Variants in ARSD observed in about 807,000 individuals in gnomAD.
ARSD encodes arylsulfatase D.
ARSD carries 21 observed loss-of-function variants against 32.6 expected under a neutral mutation model. The observed-to-expected ratio is 0.64, with a 90% CI of 0.46 to 0.93. The LOEUF (loss-of-function observed/expected upper bound fraction) is 0.93. ARSD is among the 40% of genes least tolerant of loss of function. The probability of loss-of-function intolerance (pLI) is 0.00; values close to 1 mark genes in which losing one functional copy is unlikely to be tolerated. For synonymous variants in ARSD, 224 were observed against 237.4 expected (o/e 0.94, Z 0.52); for missense variants, 454 against 520.9 (o/e 0.87, Z 1.25).
In ARSD at chrX:2,925,682, A is replaced by T; in HGVS notation, c.128T>A (p.Ile43Asn). ...TAGATCATCCGCCATGATCAGTAGGATATTTGGTTTAAAGGCATTTGCAGT... is the reference window on the plus strand; with the variant it reads ...TAGATCATCCGCCATGATCAGTAGGTTATTTGGTTTAAAGGCATTTGCAGT... ...PKTANAFKPN[I>N]LLIMADDLGT... The change falls in exon 2 of 10, where the codon ATC becomes AAC. Residue 43 changes from isoleucine (I) to asparagine (N), a missense_variant. Coordinates refer to ENST00000381154, the MANE Select transcript of ARSD (RefSeq NM_001669.4). 3.3e-6 allele frequency: 4 copies of T among 1,210,521 alleles called. No individual in the cohort carries two copies. The highest frequency in any genetic ancestry group is 4.5e-6 in the Non-Finnish European group (4 of 894,781).
chrX:2,923,370 A>G, intron 2 of ARSD: 1 of 178,332 alleles, frequency 5.6e-6, no homozygotes, highest in Non-Finnish European at 1.1e-5. Context: ...GCTACTCAGG[A>G]GGCTGAGGTG....
In ARSD at chrX:2,925,655, C is replaced by T. The variant is rs2089075737; in HGVS notation, c.155G>A (p.Gly52Asp). ...NILLIMADDL[G>D]TGDLGCYGNN... Reference sequence around the variant, plus strand: ...CCCGTAGCAACCGAGATCCCCAGTGCCTAGATCATCCGCCATGATCAGTAG... The same window carrying T: ...CCCGTAGCAACCGAGATCCCCAGTGTCTAGATCATCCGCCATGATCAGTAG... Residue 52 changes from glycine (G) to aspartate (D), a missense_variant, in exon 2 of 10, where the codon GGC becomes GAC. Transcript: ENST00000381154. 1 of 1,210,511 alleles carries T rather than the reference C, an allele frequency of 8.3e-7. No homozygotes were observed. The highest frequency in any genetic ancestry group is 1.1e-6 in the Non-Finnish European group (1 of 894,931).
chrX:2,907,905 A>G, intron 9 of ARSD: 1 of 916,568 alleles, frequency 1.1e-6, no homozygotes, highest in East Asian at 4.6e-5. Flanking sequence ...GGCTGCTTTC[A>G]GAAATCAGAA....
chrX:2,928,312 G>C (rs1433686558), intron 1 of ARSD, among the ~76,000 whole-genome samples: 1 of 99,672 alleles, frequency 1.0e-5, no homozygotes, highest in African/African-American at 3.7e-5. Flanking sequence ...GGGGGTGACC[G>C]GGGTAGGCAC....
Position 2,914,185 on chromosome X carries a change from A to G in ARSD, c.1000+1371T>C, listed in dbSNP as rs1037542116. On this transcript the variant is annotated intron_variant, in intron 6 of 9. Coordinates refer to ENST00000381154, the MANE Select transcript of ARSD (RefSeq NM_001669.4). The stretch of plus-strand genomic sequence containing the variant: ...AAGTAATCAGAAATACTGAAGGACC[A>G]AATAAATGATATGAGAGAAGTTTTT... 10 of 757,254 alleles carry G rather than the reference A, an allele frequency of 1.3e-5. No homozygotes were observed. In the African/African-American group the frequency reaches 2.1e-4, roughly 16 times the overall value. 62.4% of individuals were successfully genotyped at this position (757,254 alleles called of 1,213,427 possible). A position where few individuals can be genotyped will look rare whatever the true frequency, so the allele number is the denominator to read the frequency against.
At chrX:2,913,495 T>C in intron 6 of ARSD, 1 of 923,582 alleles carries the variant, frequency 1.1e-6, no homozygotes, top group African/African-American at 2.1e-5. Context: ...AATTTATTTT[T>C]GGTTTACACT....
At chrX:2,909,193 CT>C (rs377704304) in intron 8 of ARSD, among the ~76,000 whole-genome samples, 1,910 of 102,793 alleles carry the variant, frequency 0.019, 48 homozygotes, top group African/African-American at 0.059. Context: ...GCTTTTCTTA[CT>C]TTTTTTTTTT....
At chrX:2,924,339 A>G (rs781473631) in intron 2 of ARSD, among the ~76,000 whole-genome samples, 50 of 113,605 alleles carry the variant, frequency 4.4e-4, no homozygotes, top group Middle Eastern at 4.6e-3. Context: ...CGGCCCACAC[A>G]GGGCAGACTG....
intron 6 of ARSD, among the ~76,000 whole-genome samples, chrX:2,911,618 C>T (rs1425135873): frequency 3.1e-5 from 3 of 97,610 alleles, no homozygotes; most frequent in South Asian, 1.0e-3. Context: ...TGCAGTGAGC[C>T]GAGATCGCAC....
At chrX:2,918,531 A>C (rs2088996527) in intron 4 of ARSD, among the ~76,000 whole-genome samples, 2 of 111,469 alleles carry the variant, frequency 1.8e-5, no homozygotes, top group South Asian at 7.5e-4. Context: ...CGGGCGGATC[A>C]CGAGGTCAGG....
intron 5 of ARSD, 150 bp downstream of exon 5, chrX:2,917,654 T>C (rs1304812323): frequency 7.5e-6 from 4 of 530,458 alleles, no homozygotes; most frequent in Non-Finnish European, 8.9e-6. Context: ...TTTTATTTAT[T>C]GTAGAACCTG....
intron 8 of ARSD, among the ~76,000 whole-genome samples, 172 bp downstream of exon 8, chrX:2,909,645 T>C (rs1222150668): frequency 1.6e-4 from 15 of 93,448 alleles, no homozygotes; most frequent in African/African-American, 5.9e-4. Flanking sequence ...GATCATGCCA[T>C]TGCACTCCAG....
intron 6 of ARSD, among the ~76,000 whole-genome samples, chrX:2,911,301 A>G (rs887415589): frequency 2.5e-4 from 28 of 110,300 alleles, no homozygotes; most frequent in Non-Finnish European, 1.9e-4. Context: ...TGAACCCAGG[A>G]GGCAGAGGTT....
chrX:2,927,489 C>G (rs1249182248), intron 1 of ARSD, among the ~76,000 whole-genome samples: 2 of 110,985 alleles, frequency 1.8e-5, no homozygotes, highest in Non-Finnish European at 3.8e-5. Context: ...GACGGGATTT[C>G]ACCATATTGG....
At chrX:2,925,288 GC>G (rs1358027552) in intron 2 of ARSD, among the ~76,000 whole-genome samples, 1 of 112,586 alleles carries the variant, frequency 8.9e-6, no homozygotes, top group Non-Finnish European at 1.9e-5. Flanking sequence ...GACACCTGGA[GC>G]CCCCAGGAGC....
At chrX:2,924,460 C>A (rs5982922) in intron 2 of ARSD, among the ~76,000 whole-genome samples, 4,829 of 113,403 alleles carry the variant, frequency 0.043, 252 homozygotes, top group African/African-American at 0.15. Flanking sequence ...CTGGGGCGGT[C>A]CTTCTAGGAG....
At chrX:2,928,397 G>A (rs1215675342) in intron 1 of ARSD, among the ~76,000 whole-genome samples, 1 of 95,557 alleles carries the variant, frequency 1.0e-5, no homozygotes, top group African/African-American at 3.9e-5. Context: ...CGTGTTGGGG[G>A]AGTCACAGCC....
In ARSD at chrX:2,922,017, T is replaced by C. The variant is rs2089033542; in HGVS notation, c.202A>G (p.Asn68Asp). Residue 68 changes from asparagine (N) to aspartate (D), a missense_variant, in exon 3 of 10, where the codon AAT becomes GAT. By Grantham distance (23) the Asn-to-Asp change is conservative. Transcript: ENST00000381154. ...CCTTCCTCTGCAAGCTGGTCAATAT[T>C]CGGCGTTCTGAGCAAAGCACACAAA... ...CYGNNTLRTPNIDQLAEEGVR... is the reference protein window; with the variant it reads ...CYGNNTLRTPDIDQLAEEGVR... The C allele has an allele frequency of 8.3e-7, 1 of 1,203,112 alleles. No individual in the cohort carries two copies. The highest frequency in any genetic ancestry group is 1.1e-6 in the Non-Finnish European group (1 of 891,737).
rs572381683 is a variant in ARSD, at chrX:2,918,584, A to C, written c.440-357T>G. Among the ~76,000 whole-genome samples, 58 of 110,366 alleles carry C rather than the reference A, an allele frequency of 5.3e-4. 1 individual carries two copies. In the South Asian group the frequency reaches 0.022, roughly 43 times the overall value. Reference sequence around the variant, plus strand: ...GCTAACACGGTGAAACCCCGTCCCTACTAAAAAAATACAATACAGGTGGCG... The same window carrying C: ...GCTAACACGGTGAAACCCCGTCCCTCCTAAAAAAATACAATACAGGTGGCG... On this transcript the variant is annotated intron_variant, in intron 4 of 9. Transcript: ENST00000381154.
Sources: allele counts gnomAD v4.1 joint callset (sites outside exome capture counted in the v4.1 genomes callset), GRCh38; gene constraint gnomAD v4.1.1; transcripts MANE v1.5; gene names NCBI Gene and HGNC (gene_info 2026-07-23, HGNC 2026-07-21).